ESCO1: variants seen among roughly 807,000 people sequenced by gnomAD.
ESCO1 encodes establishment of sister chromatid cohesion N-acetyltransferase 1.
Under a neutral mutation model 83.5 loss-of-function variants are expected in ESCO1, and 33 were observed. That is an observed-to-expected ratio of 0.40 (90% confidence interval 0.30 to 0.53). The LOEUF (loss-of-function observed/expected upper bound fraction) is 0.53. Ranked by LOEUF, ESCO1 falls within the 20% of genes least tolerant of loss-of-function variation. The pLI, the probability that ESCO1 is intolerant of heterozygous loss-of-function variation, is 0.63. For missense variants in ESCO1, 855 were observed against 968.0 expected, an observed-to-expected ratio of 0.88 and a Z score of 1.55; for synonymous variants, 332 against 324.3, an observed-to-expected ratio of 1.02 and a Z score of -0.25.
intron 7 of ESCO1, among the ~76,000 whole-genome samples, chr18:21,562,525 C>T (rs2038201930): frequency 6.6e-6 from 1 of 151,694 alleles, no homozygotes; most frequent in Admixed American, 6.6e-5. Flanking sequence ...CTGTTAGTCC[C>T]AGCTATTCAG....
chr18:21,600,050 C>T (rs1171865058), intron 1 of ESCO1, among the ~76,000 whole-genome samples: 2 of 152,236 alleles, frequency 1.3e-5, no homozygotes, highest in Non-Finnish European at 2.9e-5. Context: ...GGGCCCGCTC[C>T]CCTCCCAAAC....
In ESCO1 at chr18:21,565,762, C is replaced by A. The variant is rs181004359; in HGVS notation, c.1706+384G>T. ...GACCAGCCTGAGCAGCATAGCAAGACCTTCTCTCTAAAAAAAGAATTTTTT... is the reference window on the plus strand; with the variant it reads ...GACCAGCCTGAGCAGCATAGCAAGAACTTCTCTCTAAAAAAAGAATTTTTT... On this transcript the variant is annotated intron_variant, in intron 6 of 11. Coordinates refer to ENST00000269214, the MANE Select transcript of ESCO1 (RefSeq NM_052911.3). Among the ~76,000 whole-genome samples the A allele has an allele frequency of 1.8e-4, 27 of 152,112 alleles. No homozygotes were observed. The East Asian group carries it at 2.1e-3, about 12-fold the overall frequency.
chr18:21,557,681 T>C (rs1344388444), intron 8 of ESCO1, among the ~76,000 whole-genome samples: 1 of 152,188 alleles, frequency 6.6e-6, no homozygotes, highest in Non-Finnish European at 1.5e-5. Context: ...GAAAAAAGGA[T>C]TGAGTTTTTC....
At chr18:21,600,282 C>T (rs2038825019) in intron 1 of ESCO1, among the ~76,000 whole-genome samples, 1 of 152,258 alleles carries the variant, frequency 6.6e-6, no homozygotes, top group African/African-American at 2.4e-5. Flanking sequence ...CACCTCGGGG[C>T]TCCCGGAGCC....
intron 8 of ESCO1, among the ~76,000 whole-genome samples, chr18:21,559,297 G>A (rs1428222506): frequency 6.6e-6 from 1 of 152,170 alleles, no homozygotes; most frequent in African/African-American, 2.4e-5. Flanking sequence ...GTTGGAGGAG[G>A]GGTCTGGCTG....
At chr18:21,559,365 C>T (rs1159302661) in intron 8 of ESCO1, among the ~76,000 whole-genome samples, 1 of 152,164 alleles carries the variant, frequency 6.6e-6, no homozygotes. Context: ...GCAAGAGAGC[C>T]AGAATGTGTT....
intron 1 of ESCO1, among the ~76,000 whole-genome samples, chr18:21,585,140 C>CAAAAAA (rs34965491): frequency 8.8e-6 from 1 of 113,516 alleles, no homozygotes. Flanking sequence ...GACTCCATCT[C>CAAAAAA]AAAAAAAAAA....
intron 8 of ESCO1, among the ~76,000 whole-genome samples, chr18:21,552,150 A>G (rs2038054396): frequency 6.6e-6 from 1 of 152,222 alleles, no homozygotes; most frequent in Non-Finnish European, 1.5e-5. Flanking sequence ...ATTGAGAGGG[A>G]AAAGACTTAG....
chr18:21,553,805 C>T (rs1193552982), intron 8 of ESCO1, among the ~76,000 whole-genome samples: 2 of 148,142 alleles, frequency 1.4e-5, no homozygotes, highest in African/African-American at 5.0e-5. Flanking sequence ...TGCAGTGAGC[C>T]GAGATTGTTG....
At chr18:21,541,430 A>G (rs984363498) in intron 8 of ESCO1, among the ~76,000 whole-genome samples, 1 of 152,026 alleles carries the variant, frequency 6.6e-6, no homozygotes, top group Non-Finnish European at 1.5e-5. Flanking sequence ...AAAATACAAA[A>G]AATTATTGTA....
At chr18:21,561,559 T>C (rs2038186304) in intron 7 of ESCO1, among the ~76,000 whole-genome samples, 1 of 151,538 alleles carries the variant, frequency 6.6e-6, no homozygotes, top group Non-Finnish European at 1.5e-5. Context: ...CCCAAGTAGC[T>C]GGGATTACAA....
chr18:21,593,610 A>AGGGAGAGGGAGAGGGAGAGGGAGC, intron 1 of ESCO1: 1 of 148,604 alleles, frequency 6.7e-6, no homozygotes. Context: ...GGAGAGGGAG[A>AGGGAGAGGGAGAGGGAGAGGGAGC]GGGAGAGGGA....
rs752170105 is a variant in ESCO1 at position 21,532,664 on chromosome 18, C to T, written c.2188-4G>A. On this transcript the variant is annotated splice_polypyrimidine_tract_variant and splice_region_variant and intron_variant, in intron 10 of 11. Transcript: ENST00000269214. ...TCTCTTCTATAACTCTGTAGCCCTA[C>T]AGGTGTCAAAAATGGGGAAAAAATT... The T allele has an allele frequency of 2.3e-5, 37 of 1,605,756 alleles. No homozygotes were observed. The highest frequency in any genetic ancestry group is 9.4e-5 in the African/African-American group (7 of 74,394).
At chr18:21,549,849 C>T (rs892504562) in intron 8 of ESCO1, among the ~76,000 whole-genome samples, 5 of 151,738 alleles carry the variant, frequency 3.3e-5, no homozygotes, top group Non-Finnish European at 5.9e-5. Flanking sequence ...TGCCTGTAAT[C>T]CCAGCTACTT....
intron 1 of ESCO1, among the ~76,000 whole-genome samples, chr18:21,598,018 A>C (rs1021397378): frequency 6.6e-6 from 1 of 152,204 alleles, no homozygotes; most frequent in Admixed American, 6.5e-5. Flanking sequence ...CCACAGAAAA[A>C]TATGAAAGTC....
intron 9 of ESCO1, among the ~76,000 whole-genome samples, chr18:21,536,590 CAAAAA>C (rs35366987): frequency 2.1e-5 from 2 of 96,834 alleles, no homozygotes; most frequent in Non-Finnish European, 3.9e-5. Flanking sequence ...GACTCCATCT[CAAAAA>C]AAAAAAAAAA....
chr18:21,570,424 A>G (rs2038324538), intron 4 of ESCO1, among the ~76,000 whole-genome samples: 1 of 152,218 alleles, frequency 6.6e-6, no homozygotes, highest in South Asian at 2.1e-4. Context: ...TTCATAGAAG[A>G]AAAGATAAAC....
In ESCO1 at chr18:21,573,290, T is replaced by C. The variant is rs758254567; in HGVS notation, c.1530+24A>G. 3.9e-6 allele frequency: 6 copies of C among 1,531,900 alleles called. No homozygotes were observed. In the South Asian group the frequency reaches 5.3e-5, roughly 14 times the overall value. 94.9% of individuals were successfully genotyped at this position (1,531,900 alleles called of 1,614,324 possible). A position where few individuals can be genotyped will look rare whatever the true frequency, so the allele number is the denominator to read the frequency against. On this transcript the variant is annotated intron_variant, in intron 4 of 11. Coordinates refer to ENST00000269214, the MANE Select transcript of ESCO1 (RefSeq NM_052911.3). ...TACAGAAAATATTTCGGCACCTCTA[T>C]TGTGCATAATAAAAACAGATTACCT... is the stretch of plus-strand genomic sequence containing the variant.
chr18:21,564,430 GC>G, intron 6 of ESCO1, 113 bp from the exon 7 acceptor site: 1 of 729,296 alleles, frequency 1.4e-6, no homozygotes, highest in Non-Finnish European at 2.1e-6. Context: ...TCACTCTGTC[GC>G]CCAGGCTGGA....
Sources: gnomAD v4.1 joint callset for allele counts (sites outside exome capture counted in the v4.1 genomes callset) on GRCh38, gnomAD v4.1.1 for gene constraint, MANE v1.5 for transcripts, NCBI Gene and HGNC (gene_info 2026-07-23, HGNC 2026-07-21) for gene names.